SSBP2: variants seen among roughly 807,000 people sequenced by gnomAD.
The protein encoded by SSBP2 is single-stranded DNA-binding protein 2.
A neutral mutation model predicts 61.8 loss-of-function variants in SSBP2; 17 were observed. That is an observed-to-expected ratio of 0.28 (90% CI 0.19 to 0.41). The LOEUF is 0.41. Ranked by LOEUF, SSBP2 falls within the 10% of genes least tolerant of loss-of-function variation. The probability of loss-of-function intolerance (pLI) is 1.00; values close to 1 mark genes in which losing one functional copy is unlikely to be tolerated. For missense variants in SSBP2, 310 were observed against 458.7 expected (o/e 0.68, Z 2.96); for synonymous variants, 139 against 141.3 (o/e 0.98, Z 0.12).
intron 14 of SSBP2, among the ~76,000 whole-genome samples, chr5:81,440,331 T>C (rs1762951040): frequency 6.6e-6 from 1 of 152,160 alleles, no homozygotes. Flanking sequence ...TAGGTTAAAG[T>C]AAATAACTGT....
chr5:81,745,244 A>T (rs576514432), intron 1 of SSBP2, among the ~76,000 whole-genome samples: 1 of 152,260 alleles, frequency 6.6e-6, no homozygotes, highest in South Asian at 2.1e-4. Context: ...GCAAGACATT[A>T]ATCTTGGTGG....
At chr5:81,751,349 C>T, upstream of SSBP2, 1 of 514,972 alleles carries the variant, frequency 1.9e-6, no homozygotes, top group Non-Finnish European at 3.5e-6. Context: ...CTCCTTCCCC[C>T]TCCCCCCTCC....
chr5:81,580,750 T>TAAAAA (rs10651788), intron 4 of SSBP2, among the ~76,000 whole-genome samples: 24 of 145,938 alleles, frequency 1.6e-4, no homozygotes, highest in Non-Finnish European at 3.0e-4. Flanking sequence ...TCAGTGTAGG[T>TAAAAA]AAAAAAAAAA....
chr5:81,660,312 T>A (rs558873310), intron 1 of SSBP2, among the ~76,000 whole-genome samples: 1 of 152,004 alleles, frequency 6.6e-6, no homozygotes, highest in East Asian at 1.9e-4. Context: ...CTTAAAAAAA[T>A]GCACAAGAAA....
At chr5:81,420,614 T>G (rs1261126036) in intron 16 of SSBP2, 81 bp from the exon 17 acceptor site, 1 of 1,138,334 alleles carries the variant, frequency 8.8e-7, no homozygotes, top group Non-Finnish European at 1.3e-6. Context: ...ACAGAAACGA[T>G]GAATTCTAAT....
chr5:81,473,314 T>C (rs1417498523), intron 8 of SSBP2, among the ~76,000 whole-genome samples: 1 of 152,212 alleles, frequency 6.6e-6, no homozygotes, highest in African/African-American at 2.4e-5. Flanking sequence ...TAGGTATATG[T>C]ACGCCATGGT....
intron 1 of SSBP2, among the ~76,000 whole-genome samples, chr5:81,690,772 T>C (rs1184948630): frequency 1.3e-5 from 2 of 152,134 alleles, no homozygotes; most frequent in East Asian, 3.9e-4. Flanking sequence ...AGAATACACA[T>C]TCTTCTCCCC....
intron 12 of SSBP2, among the ~76,000 whole-genome samples, chr5:81,445,688 T>C (rs1036981598): frequency 2.6e-5 from 4 of 152,150 alleles, no homozygotes; most frequent in Non-Finnish European, 4.4e-5. Flanking sequence ...AAAATTTTTA[T>C]TGGTATGATC....
At chr5:81,611,008 CAAAG>C (rs2153587832) in intron 4 of SSBP2, among the ~76,000 whole-genome samples, 1 of 152,172 alleles carries the variant, frequency 6.6e-6, no homozygotes, top group East Asian at 1.9e-4. Flanking sequence ...AACAAACAAA[CAAAG>C]AAACAAAAAC....
chr5:81,673,442 G>T (rs1164944577), intron 1 of SSBP2, among the ~76,000 whole-genome samples: 1 of 152,042 alleles, frequency 6.6e-6, no homozygotes, highest in Non-Finnish European at 1.5e-5. Context: ...TCCTGTGCTT[G>T]AATCAAAAAA....
intron 1 of SSBP2, among the ~76,000 whole-genome samples, chr5:81,667,251 T>G (rs1330185370): frequency 6.8e-6 from 1 of 146,194 alleles, no homozygotes; most frequent in African/African-American, 2.6e-5. Context: ...CAGCTGGAAT[T>G]TATGAGGCAG....
chr5:81,714,600 G>C (rs1439060228), intron 1 of SSBP2, among the ~76,000 whole-genome samples: 4 of 152,124 alleles, frequency 2.6e-5, no homozygotes, highest in African/African-American at 4.8e-5. Flanking sequence ...ATTCTAACTG[G>C]CATGAGATGG....
chr5:81,603,785 T>A lies in SSBP2; in HGVS notation c.282+11688A>T, dbSNP rs184901610. On this transcript the variant is annotated intron_variant, in intron 4 of 16. Coordinates refer to ENST00000320672, the MANE Select transcript of SSBP2 (RefSeq NM_012446.5). The stretch of plus-strand genomic sequence containing the variant: ...GAATTATCTGAATACTTATTGTGTT[T>A]TTACTAGTTAAATTTTATAAAAAAT... 2.5e-3 allele frequency among the ~76,000 whole-genome samples: 379 copies of A among 152,298 alleles called. 3 individuals are homozygous for A. The highest frequency in any genetic ancestry group is 6.8e-3 in the Middle Eastern group (2 of 292).
intron 3 of SSBP2, among the ~76,000 whole-genome samples, chr5:81,615,889 T>C (rs933101012): frequency 6.6e-5 from 10 of 152,226 alleles, no homozygotes; most frequent in Admixed American, 3.9e-4. Context: ...CCATGAAGAA[T>C]AGAAACAGTA....
At chr5:81,740,478 T>G (rs1486435107) in intron 1 of SSBP2, among the ~76,000 whole-genome samples, 1 of 152,220 alleles carries the variant, frequency 6.6e-6, no homozygotes, top group Non-Finnish European at 1.5e-5. Flanking sequence ...CTATTTTTTC[T>G]AATAGCCAGT....
At chr5:81,547,250 C>T (rs1042522669) in intron 4 of SSBP2, among the ~76,000 whole-genome samples, 2 of 152,090 alleles carry the variant, frequency 1.3e-5, no homozygotes, top group Admixed American at 6.5e-5. Flanking sequence ...CCAGCAACTG[C>T]TCTCCTTGAT....
At chr5:81,602,526 G>A (rs913245236) in intron 4 of SSBP2, among the ~76,000 whole-genome samples, 3 of 152,202 alleles carry the variant, frequency 2.0e-5, no homozygotes, top group Non-Finnish European at 2.9e-5. Context: ...AAGGTTCTAT[G>A]AGGCACCACC....
rs1378381142 is a variant in SSBP2, at chr5:81,413,657, T to C, written c.*6847A>G. 6.6e-6 allele frequency: 1 copy of C among 152,144 alleles called. No individual in the cohort carries two copies. The highest frequency in any genetic ancestry group is 1.5e-5 in the Non-Finnish European group (1 of 67,980). 9.4% of individuals were successfully genotyped at this position (152,144 alleles called of 1,614,324 possible). A position where few individuals can be genotyped will look rare whatever the true frequency, so the allele number is the denominator to read the frequency against. ...CCTTTAAATTATTCATTCTAACATG[T>C]AGTTTGTGTTTTAATTGTCTTAATG... On this transcript the variant is annotated 3_prime_UTR_variant, in exon 17 of 17. Coordinates refer to ENST00000320672, the MANE Select transcript of SSBP2 (RefSeq NM_012446.5).
chr5:81,613,740 C>G (rs574445569), intron 4 of SSBP2, among the ~76,000 whole-genome samples: 24 of 152,274 alleles, frequency 1.6e-4, no homozygotes, highest in Admixed American at 1.4e-3. Flanking sequence ...CAGGCCAAAT[C>G]AAGGCACGCA....
Sources: allele counts gnomAD v4.1 joint callset (sites outside exome capture counted in the v4.1 genomes callset), GRCh38; gene constraint gnomAD v4.1.1; transcripts MANE v1.5; gene names NCBI Gene and HGNC (gene_info 2026-07-23, HGNC 2026-07-21).